CLINT1: variants seen among roughly 807,000 people sequenced by gnomAD.
CLINT1 encodes clathrin interacting protein localized in the trans-Golgi region.
A neutral mutation model predicts 70.4 loss-of-function variants in CLINT1; 15 were observed. The ratio of observed to expected loss-of-function variants is 0.21; its 90% confidence interval spans 0.14 to 0.33. CLINT1 has a LOEUF of 0.33. Ranked by LOEUF, CLINT1 falls within the 10% of genes least tolerant of loss-of-function variation. The pLI, the probability that CLINT1 is intolerant of heterozygous loss-of-function variation, is 1.00. For synonymous variants in CLINT1, 227 were observed against 254.7 expected, an observed-to-expected ratio of 0.89 and a Z score of 1.04; for missense variants, 615 against 778.1, an observed-to-expected ratio of 0.79 and a Z score of 2.49.
chr5:157,798,964 C>A (rs1220701208), intron 8 of CLINT1, among the ~76,000 whole-genome samples: 2 of 151,910 alleles, frequency 1.3e-5, no homozygotes, highest in African/African-American at 2.4e-5. Context: ...AGGTGAAAAG[C>A]AGTTTATCAA....
intron 1 of CLINT1, among the ~76,000 whole-genome samples, chr5:157,837,110 C>A (rs17681322): frequency 0.16 from 24,411 of 152,064 alleles, 2,057 homozygotes; most frequent in Non-Finnish European, 0.19. Context: ...TCTTTATCAG[C>A]GATTATGTAA....
chr5:157,803,633 C>T lies in CLINT1; in HGVS notation c.1012+17G>A. On this transcript the variant is annotated intron_variant, in intron 8 of 11. Coordinates refer to ENST00000411809, the MANE Select transcript of CLINT1 (RefSeq NM_014666.4). ...ATGACTCTCAAACCAAAAGAAAAGG[C>T]CAATGTAGAAGCTTACCTGTTGACT... The T allele has an allele frequency of 6.9e-7, 1 of 1,447,052 alleles. No homozygotes were observed. The highest frequency in any genetic ancestry group is 1.6e-5 in the South Asian group (1 of 60,934). The allele number at this position is 1,447,052 out of a possible 1,614,324, so 89.6% of individuals were successfully genotyped here.
chr5:157,846,648 T>C (rs992266181), intron 1 of CLINT1, among the ~76,000 whole-genome samples: 6 of 152,238 alleles, frequency 3.9e-5, no homozygotes, highest in Non-Finnish European at 8.8e-5. Context: ...TCAATGGAGA[T>C]GAAACGGCCT....
At chr5:157,840,739 TA>T (rs78940003) in intron 1 of CLINT1, among the ~76,000 whole-genome samples, 2 of 151,892 alleles carry the variant, frequency 1.3e-5, no homozygotes, top group East Asian at 1.9e-4. Flanking sequence ...TTTATCTCAA[TA>T]AAAAAATATA....
In CLINT1 at chr5:157,787,660, T is replaced by C. The variant is rs1381976130; in HGVS notation, c.1864A>G (p.Asn622Asp). 6.2e-7 allele frequency: 1 copy of C among 1,613,060 alleles called. No homozygotes were observed. Among genetic ancestry groups the C allele is most frequent in the African/African-American group, 1.3e-5 (1 of 74,940 alleles). The change falls in exon 12 of 12, where the codon AAT (asparagine) becomes GAT (aspartate). Residue 622 changes from asparagine to aspartate, a missense_variant. Asn to Asp is a conservative substitution (Grantham distance 23). This residue lies in a region of CLINT1 where 374 missense variants were observed against 409.6 expected (regional missense o/e 0.91). Coordinates refer to ENST00000411809, the MANE Select transcript of CLINT1 (RefSeq NM_014666.4). ...TTTACAATCTCTTATTTGCTAAAAT[T>C]GGCGAAATTTGCAAAGGCATCTTGC... ...PKQDAFANFANFSK is the reference protein window; with the variant it reads ...PKQDAFANFADFSK
intron 10 of CLINT1, chr5:157,791,475 T>C (rs1761902351): frequency 1.9e-6 from 1 of 522,458 alleles, no homozygotes; most frequent in Non-Finnish European, 3.4e-6. Context: ...TTACAGTGAC[T>C]ACAAGATGGG....
chr5:157,788,503 G>C (rs552689789), intron 11 of CLINT1, among the ~76,000 whole-genome samples: 1 of 152,064 alleles, frequency 6.6e-6, no homozygotes, highest in African/African-American at 2.4e-5. Flanking sequence ...ATAACAAATA[G>C]CTGGAAACAA....
chr5:157,809,351 G>A, intron 6 of CLINT1: 1 of 301,392 alleles, frequency 3.3e-6, no homozygotes, highest in Non-Finnish European at 6.0e-6. Flanking sequence ...ATCCATACTG[G>A]CTTTTCAATT....
intron 1 of CLINT1, among the ~76,000 whole-genome samples, chr5:157,821,712 G>T (rs931842421): frequency 2.0e-5 from 3 of 152,140 alleles, no homozygotes; most frequent in Middle Eastern, 3.2e-3. Flanking sequence ...CTGTTTAAAT[G>T]TAACAGTTAC....
In CLINT1 at chr5:157,786,836, G is replaced by C. The variant is rs1228572895; in HGVS notation, c.*810C>G. On this transcript the variant is annotated 3_prime_UTR_variant, in exon 12 of 12. Coordinates refer to ENST00000411809, the MANE Select transcript of CLINT1 (RefSeq NM_014666.4). ...AAATGATGGCTACAGGGATAAACAC[G>C]GAAGGAAGCCTTGCCAAGTTAATCA... 6.6e-6 allele frequency: 1 copy of C among 152,004 alleles called. No individual in the cohort carries two copies. Among genetic ancestry groups the C allele is most frequent in the Non-Finnish European group, 1.5e-5 (1 of 67,990 alleles). 9.4% of individuals were successfully genotyped at this position (152,004 alleles called of 1,614,324 possible). A position where few individuals can be genotyped will look rare whatever the true frequency, so the allele number is the denominator to read the frequency against.
At position 157,791,703 on chromosome 5, in the gene CLINT1, C is replaced by G. The variant is rs767061476; in HGVS notation, c.1380G>C (p.Gln460His). 3.7e-6 allele frequency: 6 copies of G among 1,606,762 alleles called. No individual in the cohort carries two copies. Among genetic ancestry groups the G allele is most frequent in the Non-Finnish European group, 5.1e-6 (6 of 1,175,982 alleles). ...ATTCCAAGGGAACCAGACAACTTACCTGTGATCTTGACATAGGCAAACCAA... is the reference window on the plus strand; with the variant it reads ...ATTCCAAGGGAACCAGACAACTTACGTGTGATCTTGACATAGGCAAACCAA... ...VGLGLPMSRSQNTDMVQKSVS... is the reference protein window; with the variant it reads ...VGLGLPMSRSHNTDMVQKSVS... Residue 460 changes from glutamine to histidine, a missense_variant and splice_region_variant, in exon 10 of 12, where the codon CAG (glutamine) becomes CAC (histidine). Transcript: ENST00000411809.
At chr5:157,791,085 G>GTATCA (rs1402523853) in intron 10 of CLINT1, among the ~76,000 whole-genome samples, 1 of 152,008 alleles carries the variant, frequency 6.6e-6, no homozygotes, top group African/African-American at 2.4e-5. Flanking sequence ...TTGAGACGGA[G>GTATCA]TATCACTCTG....
At chr5:157,858,900 C>G in intron 1 of CLINT1, 30 bp downstream of exon 1, 1 of 540,880 alleles carries the variant, frequency 1.8e-6, no homozygotes. Context: ...CCCACGTGGG[C>G]CTCGGCCACA....
At chr5:157,854,149 T>C (rs751165038) in intron 1 of CLINT1, among the ~76,000 whole-genome samples, 20 of 152,068 alleles carry the variant, frequency 1.3e-4, no homozygotes, top group Non-Finnish European at 2.8e-4. Flanking sequence ...TGAACAGAGA[T>C]TTACTGGTAA....
chr5:157,814,850 T>C (rs745714250), intron 3 of CLINT1, among the ~76,000 whole-genome samples: 219 of 152,066 alleles, frequency 1.4e-3, no homozygotes, highest in Non-Finnish European at 1.9e-3. Context: ...TTGGGCAACA[T>C]GGTGAAACCT....
At chr5:157,847,412 G>A (rs1160198068) in intron 1 of CLINT1, among the ~76,000 whole-genome samples, 1 of 152,076 alleles carries the variant, frequency 6.6e-6, no homozygotes, top group East Asian at 1.9e-4. Context: ...TTGGGAGGCT[G>A]AGGCAGGAGA....
At chr5:157,811,544 A>G (rs1372431364) in intron 5 of CLINT1, among the ~76,000 whole-genome samples, 1 of 150,170 alleles carries the variant, frequency 6.7e-6, no homozygotes, top group African/African-American at 2.4e-5. Flanking sequence ...AAAAAAAAAA[A>G]GAAAAGAAAA....
chr5:157,794,108 T>G (rs921107292), intron 9 of CLINT1, among the ~76,000 whole-genome samples: 1 of 152,132 alleles, frequency 6.6e-6, no homozygotes, highest in Non-Finnish European at 1.5e-5. Context: ...TAGCCCCTAT[T>G]CTATTAGGTT....
chr5:157,789,378 T>C lies in CLINT1; in HGVS notation c.1516A>G (p.Met506Val), dbSNP rs1407059796. ...GGTAACTTACTCTGTTGCTGAATCA[T>C]TGTATTCAGTGATGGCTGCTGGGGT... ...SKPQQPSLNT[M>V]IQQQNMQQPM... The change falls in exon 11 of 12, where the codon ATG (methionine) becomes GTG (valine). Residue 506 changes from methionine (M) to valine (V), a missense_variant. Transcript: ENST00000411809. The C allele has an allele frequency of 3.7e-6, 6 of 1,613,866 alleles. No homozygotes were observed. Among genetic ancestry groups the C allele is most frequent in the South Asian group, 1.1e-5 (1 of 91,080 alleles).
Sources: gnomAD v4.1 joint callset for allele counts (sites outside exome capture counted in the v4.1 genomes callset) on GRCh38, gnomAD v4.1.1 for gene constraint, gnomAD v4.1.1 regional missense constraint, MANE v1.5 for transcripts, NCBI Gene and HGNC (gene_info 2026-07-23, HGNC 2026-07-21) for gene names.